Variants in METTL22 observed in about 807,000 individuals in gnomAD.
METTL22 encodes methyltransferase 22, Kin17 lysine.
A neutral mutation model predicts 48.4 loss-of-function variants in METTL22; 51 were observed. That is an observed-to-expected ratio of 1.05 (90% CI 0.84 to 1.33). The LOEUF is 1.33. Ranked by LOEUF, METTL22 falls within the 40% of genes most tolerant of loss-of-function variation. The probability of loss-of-function intolerance (pLI) is 0.00; values close to 1 mark genes in which losing one functional copy is unlikely to be tolerated. For missense variants in METTL22, 678 were observed against 526.9 expected, an observed-to-expected ratio of 1.29 and a Z score of -2.81; for synonymous variants, 255 against 214.1, an observed-to-expected ratio of 1.19 and a Z score of -1.67.
chr16:8,624,690 A>G (rs569826550), intron 1 of METTL22, among the ~76,000 whole-genome samples: 173 of 151,004 alleles, frequency 1.1e-3, no homozygotes, highest in Non-Finnish European at 2.1e-3. Context: ...ACATAGTGAG[A>G]CCCTTGTCTC....
chr16:8,624,458 C>T (rs144496275), intron 1 of METTL22, among the ~76,000 whole-genome samples: 12 of 151,716 alleles, frequency 7.9e-5, no homozygotes, highest in African/African-American at 2.9e-4. Context: ...CAGCTCACTG[C>T]AACCCCTGCC....
intron 6 of METTL22, among the ~76,000 whole-genome samples, chr16:8,640,728 G>A (rs2056575586): frequency 7.5e-5 from 3 of 40,260 alleles, no homozygotes; most frequent in Non-Finnish European, 1.5e-4. Context: ...GGGGGTGGGT[G>A]GATGGATGGA....
At chr16:8,646,004 C>A in intron 10 of METTL22, 104 bp from the exon 11 acceptor site, 20 of 1,549,292 alleles carry the variant, frequency 1.3e-5, no homozygotes, top group East Asian at 2.3e-5. Context: ...CCGTGGCTGA[C>A]GTGTTGTCTA....
At chr16:8,635,395 C>A in intron 5 of METTL22, 83 bp downstream of exon 5, 1 of 1,455,356 alleles carries the variant, frequency 6.9e-7, no homozygotes, top group Non-Finnish European at 9.1e-7. Context: ...GAGGCAGAGG[C>A]ACTGGAAATT....
chr16:8,660,926 C>A, the METTL22 span, among the ~76,000 whole-genome samples: 2 of 131,594 alleles, frequency 1.5e-5, no homozygotes, highest in Admixed American at 7.8e-5. Flanking sequence ...AGTGGGTGAG[C>A]GGATGAGTGA....
chr16:8,662,257 CA>C, the METTL22 span, among the ~76,000 whole-genome samples: 2 of 145,164 alleles, frequency 1.4e-5, no homozygotes, highest in African/African-American at 5.1e-5. Context: ...ATAAAAATAG[CA>C]AAGAAGTAAC....
chr16:8,634,211 C>T (rs1955698342), intron 3 of METTL22, among the ~76,000 whole-genome samples: 1 of 152,224 alleles, frequency 6.6e-6, no homozygotes, highest in Non-Finnish European at 1.5e-5. Flanking sequence ...CCTCAGAGAA[C>T]AGTGGCCCAG....
chr16:8,630,744 C>A (rs537473905), intron 3 of METTL22, among the ~76,000 whole-genome samples: 1 of 152,306 alleles, frequency 6.6e-6, no homozygotes, highest in Admixed American at 6.5e-5. Context: ...TTCCGGTGAC[C>A]TCACGGTGAG....
intron 9 of METTL22, 25 bp downstream of exon 9, chr16:8,642,590 T>C (rs765773724): frequency 6.2e-7 from 1 of 1,603,340 alleles, no homozygotes; most frequent in Non-Finnish European, 8.5e-7. Flanking sequence ...ACGGGAACCG[T>C]GCTGACGTCC....
At chr16:8,657,977 G>A in the METTL22 span, among the ~76,000 whole-genome samples, 9 of 152,164 alleles carry the variant, frequency 5.9e-5, no homozygotes, top group East Asian at 1.5e-3. Context: ...CGCCATGCCT[G>A]GCTAATTTTG....
chr16:8,653,370 G>A (rs937635852), downstream of METTL22, among the ~76,000 whole-genome samples: 5 of 152,192 alleles, frequency 3.3e-5, no homozygotes, highest in Non-Finnish European at 5.9e-5. Context: ...GGTGATGTCA[G>A]GTGCCTCGGA....
intron 5 of METTL22, among the ~76,000 whole-genome samples, chr16:8,636,664 AT>A (rs2056434176): frequency 7.6e-6 from 1 of 131,746 alleles, no homozygotes; most frequent in Admixed American, 7.7e-5. Context: ...TTTTTTTTGC[AT>A]TTGTCAGTTA....
At chr16:8,626,213 TC>T (rs2056045147) in intron 2 of METTL22, among the ~76,000 whole-genome samples, 1 of 152,080 alleles carries the variant, frequency 6.6e-6, no homozygotes, top group Non-Finnish European at 1.5e-5. Context: ...GGTTTTGAAC[TC>T]CAGGCCTGAA....
At chr16:8,654,678 GA>G in the METTL22 span, among the ~76,000 whole-genome samples, 1 of 152,204 alleles carries the variant, frequency 6.6e-6, no homozygotes, top group Non-Finnish European at 1.5e-5. Flanking sequence ...AAGACTCAGA[GA>G]AAAGTTCAGA....
At chr16:8,667,164 C>G in the METTL22 span, 1 of 151,988 alleles carries the variant, frequency 6.6e-6, no homozygotes, top group Non-Finnish European at 1.5e-5. Context: ...AGAAAGGATG[C>G]CTGGGCTTGC....
At chr16:8,661,283 G>C in the METTL22 span, among the ~76,000 whole-genome samples, 1 of 152,010 alleles carries the variant, frequency 6.6e-6, no homozygotes, top group Admixed American at 6.6e-5. Flanking sequence ...ACAGCAGCAC[G>C]TGAGTTCTGA....
chr16:8,662,516 G>A, the METTL22 span, among the ~76,000 whole-genome samples: 867 of 144,652 alleles, frequency 6.0e-3, 100 homozygotes, highest in Admixed American at 9.6e-3. Flanking sequence ...ATGTGGGAGC[G>A]TTTCTTGGGG....
intron 5 of METTL22, 115 bp from the exon 6 acceptor site, chr16:8,638,976 C>G: frequency 5.9e-6 from 6 of 1,012,476 alleles, no homozygotes; most frequent in Non-Finnish European, 9.3e-6. Flanking sequence ...ATAGGAGAAA[C>G]GTTTCTCTAA....
intron 1 of METTL22, chr16:8,624,188 T>C (rs2055960197): frequency 6.6e-6 from 1 of 152,202 alleles, no homozygotes; most frequent in Admixed American, 6.5e-5. Context: ...TGTTTGATGA[T>C]GCTTTTTGAT....
Sources: gnomAD v4.1 joint callset for allele counts (sites outside exome capture counted in the v4.1 genomes callset) on GRCh38, gnomAD v4.1.1 for gene constraint, MANE v1.5 for transcripts, NCBI Gene and HGNC (gene_info 2026-07-23, HGNC 2026-07-21) for gene names.